KANK1: variants seen among roughly 807,000 people sequenced by gnomAD.
The protein encoded by KANK1 is KN motif and ankyrin repeat domain-containing protein 1.
In KANK1, 109 loss-of-function variants were observed where a neutral mutation model predicts 106.2. The ratio of observed to expected loss-of-function variants is 1.03; its 90% CI spans 0.88 to 1.20. The LOEUF is 1.20. Ranked by LOEUF, KANK1 falls within the 50% of genes most tolerant of loss-of-function variation. KANK1 has a pLI of 0.00. For missense variants in KANK1, 2,399 were observed against 1,710.7 expected (o/e 1.40, Z -7.10); for synonymous variants, 873 against 652.2 (o/e 1.34, Z -5.16).
chr9:717,680 G>GT (rs1828088125), intron 3 of KANK1, among the ~76,000 whole-genome samples: 2 of 152,182 alleles, frequency 1.3e-5, no homozygotes, highest in African/African-American at 2.4e-5. Flanking sequence ...AAAAATGTTG[G>GT]TAAAAAAAAG....
chr9:579,362 TC>T (rs1821430018), intron 1 of KANK1, among the ~76,000 whole-genome samples: 2 of 152,078 alleles, frequency 1.3e-5, no homozygotes, highest in Non-Finnish European at 2.9e-5. Flanking sequence ...ACTGAAGTCC[TC>T]CCCAAAATCC....
At chr9:490,958 CT>C (rs758168904) in intron 3 of KANK1, among the ~76,000 whole-genome samples, 2,154 of 116,296 alleles carry the variant, frequency 0.019, 32 homozygotes, top group African/African-American at 0.062. Context: ...GCTAAAGTGG[CT>C]TTTTTTTTTT....
chr9:677,650 G>C (rs1816670557), intron 2 of KANK1: 1 of 152,174 alleles, frequency 6.6e-6, no homozygotes, highest in Non-Finnish European at 1.5e-5. Flanking sequence ...GGGACAACCT[G>C]CCCAAAATGG....
chr9:598,620 CTTTTTTTTTTTTTTTTT>C (rs3028166), intron 1 of KANK1, among the ~76,000 whole-genome samples: 26 of 46,678 alleles, frequency 5.6e-4, no homozygotes, highest in Admixed American at 3.1e-3. Context: ...TGTTGGTTTT[CTTTTTTTTTTTTTTTTT>C]TTTTTTTTTT....
chr9:506,813 G>T (rs865849866), intron 1 of KANK1, among the ~76,000 whole-genome samples: 4 of 152,288 alleles, frequency 2.6e-5, no homozygotes, highest in African/African-American at 9.6e-5. Flanking sequence ...GCAGTGCAAG[G>T]AACTGGGAAG....
chr9:476,722 A>T (rs921131655), intron 3 of KANK1: 2 of 152,212 alleles, frequency 1.3e-5, no homozygotes, highest in African/African-American at 4.8e-5. Flanking sequence ...TAAGAGATTT[A>T]TCTTCCTGAT....
In KANK1 at chr9:561,406, T is replaced by A. The variant is rs1816407631; in HGVS notation, c.-84+56652T>A. 1.3e-5 allele frequency among the ~76,000 whole-genome samples: 2 copies of A among 152,222 alleles called. 1 individual carries two copies. The highest frequency in any genetic ancestry group is 3.8e-4 in the East Asian group (2 of 5,198). On this transcript the variant is annotated intron_variant, in intron 1 of 11. Coordinates refer to ENST00000382297, the MANE Select transcript of KANK1 (RefSeq NM_015158.5). ...AGCATCTCTCTGTATGAGTGCACTC[T>A]TATTTATTAAAACCATCCCTGACAG...
intron 1 of KANK1, among the ~76,000 whole-genome samples, chr9:580,881 CG>C (rs376176845): frequency 4.5e-4 from 68 of 152,290 alleles, no homozygotes; most frequent in African/African-American, 1.6e-3. Context: ...GGGGAGGCTC[CG>C]GCATGGTGGG....
intron 6 of KANK1, 46 bp downstream of exon 6, chr9:732,663 G>A (rs1452159819): frequency 3.8e-6 from 6 of 1,594,130 alleles, no homozygotes; most frequent in Non-Finnish European, 5.1e-6. Flanking sequence ...CACATTTAAT[G>A]TACTTTGGCA....
intron 1 of KANK1, among the ~76,000 whole-genome samples, chr9:617,899 A>T (rs1176631125): frequency 4.6e-5 from 7 of 152,184 alleles, no homozygotes; most frequent in Admixed American, 4.6e-4. Flanking sequence ...TTCTTACTGA[A>T]AGAGGGTGCG....
chr9:583,039 G>A (rs919790392), intron 1 of KANK1, among the ~76,000 whole-genome samples: 1 of 152,148 alleles, frequency 6.6e-6, no homozygotes, highest in Non-Finnish European at 1.5e-5. Flanking sequence ...ATAGAGGAAG[G>A]GGAAGAAGAG....
At chr9:732,695 C>A in intron 6 of KANK1, 78 bp downstream of exon 6, 1 of 1,497,414 alleles carries the variant, frequency 6.7e-7, no homozygotes, top group Non-Finnish European at 9.1e-7. Context: ...CAGTTCAGAG[C>A]TTTTGTAATT....
intron 1 of KANK1, among the ~76,000 whole-genome samples, chr9:534,090 G>A (rs1338207078): frequency 6.6e-6 from 1 of 152,178 alleles, no homozygotes; most frequent in African/African-American, 2.4e-5. Context: ...GTTGTTTTCA[G>A]GTGGACCCAA....
chr9:471,874 G>A (rs972070648), intron 2 of KANK1, among the ~76,000 whole-genome samples: 7 of 152,162 alleles, frequency 4.6e-5, no homozygotes, highest in African/African-American at 1.4e-4. Flanking sequence ...TGGTAGGTGG[G>A]TGTTGCTAGC....
chr9:577,514 A>G lies in KANK1; in HGVS notation c.-84+72760A>G, dbSNP rs928860125. Among the ~76,000 whole-genome samples the G allele has an allele frequency of 3.9e-5, 6 of 152,300 alleles. No individual in the cohort carries two copies. The South Asian group carries it at 1.0e-3, about 26-fold the overall frequency. On this transcript the variant is annotated intron_variant, in intron 1 of 11. Coordinates refer to ENST00000382297, the MANE Select transcript of KANK1 (RefSeq NM_015158.5). ...GGTGTGTTTACAATCCTTTAACTAG[A>G]CAGAAAAGTTCTCCAAGTCCGCACC...
chr9:628,186 G>A (rs1020245156), intron 1 of KANK1, among the ~76,000 whole-genome samples: 2 of 152,108 alleles, frequency 1.3e-5, no homozygotes, highest in African/African-American at 2.4e-5. Context: ...ACAAGTGGAC[G>A]GAGCTGTAGC....
At chr9:622,280 CTCT>C (rs559486219) in intron 1 of KANK1, among the ~76,000 whole-genome samples, 2 of 152,160 alleles carry the variant, frequency 1.3e-5, no homozygotes, top group African/African-American at 2.4e-5. Context: ...TCACTTCATG[CTCT>C]TCTTAAGCGC....
chr9:586,216 C>G (rs568743368), intron 1 of KANK1, among the ~76,000 whole-genome samples: 1 of 152,252 alleles, frequency 6.6e-6, no homozygotes, highest in African/African-American at 2.4e-5. Context: ...GGATTCATGC[C>G]CAGTGACATC....
intron 3 of KANK1, among the ~76,000 whole-genome samples, chr9:495,007 A>T (rs2058435949): frequency 6.6e-6 from 1 of 152,248 alleles, no homozygotes; most frequent in South Asian, 2.1e-4. Flanking sequence ...AGGCTAACCT[A>T]AGACAGCAAG....
Sources: allele counts gnomAD v4.1 joint callset (sites outside exome capture counted in the v4.1 genomes callset), GRCh38; gene constraint gnomAD v4.1.1; transcripts MANE v1.5; gene names NCBI Gene and HGNC (gene_info 2026-07-23, HGNC 2026-07-21).